Variants in PCOLCE2 observed in about 807,000 individuals in gnomAD.
PCOLCE2 encodes procollagen C-proteinase enhancer 2.
Under a neutral mutation model 47.0 loss-of-function variants are expected in PCOLCE2, and 42 were observed. That is an observed-to-expected ratio of 0.89 (90% CI 0.70 to 1.16). PCOLCE2 has a LOEUF of 1.16. Ranked by LOEUF, PCOLCE2 falls within the 50% of genes most tolerant of loss-of-function variation. PCOLCE2 has a pLI of 0.00. For missense variants in PCOLCE2, 500 were observed against 526.1 expected (o/e 0.95, Z 0.49); for synonymous variants, 169 against 191.7 (o/e 0.88, Z 0.98).
Position 142,836,504 on chromosome 3 carries a change from G to A in PCOLCE2, c.710+2266C>T, listed in dbSNP as rs545724555. 3.3e-5 allele frequency among the ~76,000 whole-genome samples: 5 copies of A among 152,222 alleles called. No individual in the cohort carries two copies. The South Asian group carries it at 1.0e-3, about 32-fold the overall frequency. ...CTTCTTACTACTTTTGACCTCTGAT[G>A]ACTTCTCTTATTTTTTGACAACTCA... On this transcript the variant is annotated intron_variant, in intron 5 of 8. Transcript: ENST00000295992.
At chr3:142,858,526 G>A (rs946966870) in intron 2 of PCOLCE2, among the ~76,000 whole-genome samples, 2 of 152,232 alleles carry the variant, frequency 1.3e-5, no homozygotes, top group African/African-American at 4.8e-5. Context: ...GCGTGCGTGT[G>A]TGTGCGTGTG....
chr3:142,867,835 T>C (rs962875556), intron 2 of PCOLCE2, among the ~76,000 whole-genome samples: 1 of 152,210 alleles, frequency 6.6e-6, no homozygotes, highest in Non-Finnish European at 1.5e-5. Context: ...GATACCTATA[T>C]ATATAAATAA....
chr3:142,832,531 C>A (rs1345576810), intron 5 of PCOLCE2, among the ~76,000 whole-genome samples: 1 of 152,164 alleles, frequency 6.6e-6, no homozygotes, highest in African/African-American at 2.4e-5. Flanking sequence ...TCCTTCAAGA[C>A]TCATCTTCGA....
chr3:142,843,081 A>G (rs529159735), intron 3 of PCOLCE2, 33 bp from the exon 4 acceptor site: 2 of 1,605,736 alleles, frequency 1.2e-6, no homozygotes, highest in Admixed American at 1.7e-5. Flanking sequence ...AAAGCCCACA[A>G]GTTTATGTAG....
intron 3 of PCOLCE2, among the ~76,000 whole-genome samples, chr3:142,845,526 A>G (rs1937317460): frequency 6.6e-6 from 1 of 152,224 alleles, no homozygotes; most frequent in Non-Finnish European, 1.5e-5. Flanking sequence ...ATTTACCTCA[A>G]CCTGAGGAAT....
intron 2 of PCOLCE2, among the ~76,000 whole-genome samples, chr3:142,856,592 G>C (rs1000768656): frequency 1.1e-4 from 17 of 152,184 alleles, no homozygotes; most frequent in Admixed American, 2.6e-4. Flanking sequence ...AAACGTGAAG[G>C]GACAACAAAG....
At chr3:142,845,882 C>T (rs1020085727) in intron 3 of PCOLCE2, among the ~76,000 whole-genome samples, 2 of 152,122 alleles carry the variant, frequency 1.3e-5, no homozygotes, top group African/African-American at 2.4e-5. Context: ...GGTTGAGGCA[C>T]AAAAATCGCT....
intron 2 of PCOLCE2, among the ~76,000 whole-genome samples, chr3:142,862,796 T>C (rs1933204784): frequency 1.3e-5 from 2 of 152,300 alleles, no homozygotes; most frequent in Middle Eastern, 3.4e-3. Flanking sequence ...AATGGCTTTA[T>C]ACTATTCTAA....
At chr3:142,855,032 G>A (rs1933035935) in intron 2 of PCOLCE2, among the ~76,000 whole-genome samples, 1 of 152,136 alleles carries the variant, frequency 6.6e-6, no homozygotes, top group Non-Finnish European at 1.5e-5. Flanking sequence ...TCCCACCTAA[G>A]GGCCTTTGCA....
At position 142,888,795 on chromosome 3, in the gene PCOLCE2, C is replaced by T. The variant is rs1331190141; in HGVS notation, c.83+19G>A. 2 of 1,437,400 alleles carry T rather than the reference C, an allele frequency of 1.4e-6. No homozygotes were observed. Among genetic ancestry groups the T allele is most frequent in the South Asian group, 1.4e-5 (1 of 70,396 alleles). The allele number at this position is 1,437,400 out of a possible 1,614,324, so 89.0% of individuals were successfully genotyped here. Reference sequence around the variant, plus strand: ...GAAGGGAAAGGAGAGAAAGGGAGCCCGGGCAGGGGTCGCGTTACCTCTCTG... The same window carrying T: ...GAAGGGAAAGGAGAGAAAGGGAGCCTGGGCAGGGGTCGCGTTACCTCTCTG... On this transcript the variant is annotated intron_variant, in intron 1 of 8. Transcript: ENST00000295992.
At chr3:142,873,814 G>A (rs1310786286) in intron 2 of PCOLCE2, among the ~76,000 whole-genome samples, 4 of 152,186 alleles carry the variant, frequency 2.6e-5, no homozygotes, top group Non-Finnish European at 4.4e-5. Context: ...TGACACACTC[G>A]GGGGGTGGAA....
At chr3:142,866,410 A>G (rs962246431) in intron 2 of PCOLCE2, among the ~76,000 whole-genome samples, 3 of 152,134 alleles carry the variant, frequency 2.0e-5, no homozygotes, top group African/African-American at 7.2e-5. Flanking sequence ...TTACACCACC[A>G]GTTTTCCTGG....
At chr3:142,858,198 A>G (rs373556572) in intron 2 of PCOLCE2, among the ~76,000 whole-genome samples, 8 of 152,268 alleles carry the variant, frequency 5.3e-5, no homozygotes, top group African/African-American at 1.9e-4. Context: ...CTCGGCATCC[A>G]CAGGTCTCAC....
chr3:142,831,998 G>A (rs1937157079), intron 5 of PCOLCE2, among the ~76,000 whole-genome samples: 1 of 152,176 alleles, frequency 6.6e-6, no homozygotes, highest in Non-Finnish European at 1.5e-5. Flanking sequence ...CAGACAAGAG[G>A]AAATTTCACT....
chr3:142,885,799 C>T (rs915696871), intron 2 of PCOLCE2, among the ~76,000 whole-genome samples: 4 of 152,156 alleles, frequency 2.6e-5, no homozygotes, highest in Non-Finnish European at 1.5e-5. Context: ...TAAGATCTTC[C>T]AGTGACTCCT....
At chr3:142,825,469 C>T (rs761145942) in intron 6 of PCOLCE2, among the ~76,000 whole-genome samples, 3 of 152,146 alleles carry the variant, frequency 2.0e-5, no homozygotes, top group Non-Finnish European at 2.9e-5. Flanking sequence ...TGTCTGATCC[C>T]GCAGTCCCCG....
At chr3:142,835,054 A>G (rs944664615) in intron 5 of PCOLCE2, among the ~76,000 whole-genome samples, 1 of 151,318 alleles carries the variant, frequency 6.6e-6, no homozygotes, top group Non-Finnish European at 1.5e-5. Context: ...CAGTTGCTGG[A>G]TGTAGTGTTC....
At chr3:142,847,680 G>A (rs1331460707) in intron 3 of PCOLCE2, among the ~76,000 whole-genome samples, 1 of 152,126 alleles carries the variant, frequency 6.6e-6, no homozygotes, top group Non-Finnish European at 1.5e-5. Context: ...GGGACAACAG[G>A]TGTGTGCCAC....
chr3:142,881,941 A>G (rs78024884), intron 2 of PCOLCE2, among the ~76,000 whole-genome samples: 66 of 152,220 alleles, frequency 4.3e-4, no homozygotes, highest in Non-Finnish European at 7.5e-4. Context: ...TTTCACTTTA[A>G]TGGGACTGCC....
Sources: allele counts gnomAD v4.1 joint callset (sites outside exome capture counted in the v4.1 genomes callset), GRCh38; gene constraint gnomAD v4.1.1; transcripts MANE v1.5; gene names NCBI Gene and HGNC (gene_info 2026-07-23, HGNC 2026-07-21).